The following RPL35 variants were observed in gnomAD, a reference collection of about 807,000 sequenced individuals.
The protein encoded by RPL35 is large ribosomal subunit protein uL29.
A neutral mutation model predicts 15.6 loss-of-function variants in RPL35; 2 were observed. That is an observed-to-expected ratio of 0.13 (90% CI 0.05 to 0.40). The LOEUF (loss-of-function observed/expected upper bound fraction) is 0.40. RPL35 is among the 10% of genes least tolerant of loss of function. The pLI, the probability that RPL35 is intolerant of heterozygous loss-of-function variation, is 0.99. For missense variants in RPL35, 111 were observed against 164.7 expected, an observed-to-expected ratio of 0.67 and a Z score of 1.79; for synonymous variants, 93 against 67.9, an observed-to-expected ratio of 1.37 and a Z score of -1.82.
At position 124,860,238 on chromosome 9, in the gene RPL35, C is replaced by A. The variant is rs749189946; in HGVS notation, c.167G>T (p.Arg56Leu). ...AGTCTGGTTAATAACTGTGAGAACA[C>A]GGGCAATGGATTTCCGGACGACTCG... ...KIRVVRKSIA[R>L]VLTVINQTQK... Residue 56 changes from arginine (R) to leucine (L), a missense_variant, in exon 3 of 4, where the codon CGT (arginine) becomes CTT (leucine). Transcript: ENST00000348462. 6.2e-7 allele frequency: 1 copy of A among 1,613,968 alleles called. No individual in the cohort carries two copies. The highest frequency in any genetic ancestry group is 8.5e-7 in the Non-Finnish European group (1 of 1,179,944).
rs754541112 is a variant in RPL35, at chr9:124,861,564, AAG to A, written c.4-11_4-10del. On this transcript the variant is annotated splice_polypyrimidine_tract_variant and intron_variant, in intron 1 of 3. Coordinates refer to ENST00000348462, the MANE Select transcript of RPL35 (RefSeq NM_007209.4). ...CGAGCCTTGATCTTGGCCTGCGCGCAAGAGAGAGTGTGCCTCAGCCAGGCCGC... is the reference window on the plus strand; with the variant it reads ...CGAGCCTTGATCTTGGCCTGCGCGCAAGAGAGTGTGCCTCAGCCAGGCCGC... 2.4e-4 allele frequency: 390 copies of A among 1,613,382 alleles called. No homozygotes were observed. The highest frequency in any genetic ancestry group is 2.4e-4 in the Non-Finnish European group (280 of 1,179,796).
chr9:124,861,697 C>T (rs1829200140), intron 1 of RPL35, 142 bp from the exon 2 acceptor site: 2 of 1,372,282 alleles, frequency 1.5e-6, no homozygotes, highest in African/African-American at 2.9e-5. Context: ...CAGTCTCCCT[C>T]GCCGGCCGTG....
chr9:124,861,457 G>C lies in RPL35; in HGVS notation c.102C>G (p.Ala34=). Residue 34 remains alanine (A), a synonymous_variant, in exon 2 of 4, where the codon GCC becomes GCG. Coordinates refer to ENST00000348462, the MANE Select transcript of RPL35 (RefSeq NM_007209.4). ...LKVELSQLRV[A]KVTGGAASKL... is the part of the protein sequence containing the mutation. Reference sequence around the variant, plus strand: ...TGGAGGCCGCACCGCCTGTCACTTTGGCGACGCGCAGCTGGGACAGCTCCA... The same window carrying C: ...TGGAGGCCGCACCGCCTGTCACTTTCGCGACGCGCAGCTGGGACAGCTCCA... 6.2e-7 allele frequency: 1 copy of C among 1,613,436 alleles called. No homozygotes were observed. Among genetic ancestry groups the C allele is most frequent in the Non-Finnish European group, 8.5e-7 (1 of 1,179,842 alleles).
intron 2 of RPL35, chr9:124,861,046 C>T (rs1219586107): frequency 1.5e-5 from 3 of 200,212 alleles, no homozygotes; most frequent in Non-Finnish European, 3.1e-5. Flanking sequence ...GAACTCCAAA[C>T]CCATGTTCCT....
At chr9:124,861,740 C>A (rs1829201169) in intron 1 of RPL35, 170 bp downstream of exon 1, 2 of 1,310,184 alleles carry the variant, frequency 1.5e-6, no homozygotes, top group Admixed American at 2.7e-5. Context: ...CCGGGCCGCG[C>A]GCCTCTCCCG....
chr9:124,858,521 G>C, intron 3 of RPL35: 1 of 715,964 alleles, frequency 1.4e-6, no homozygotes, highest in South Asian at 1.5e-5. Flanking sequence ...CTGTATGCAG[G>C]GCCCACCAGC....
In RPL35 at chr9:124,861,526, C is replaced by T; in HGVS notation, c.33G>A (p.Gly11=). Residue 11 remains glycine, a synonymous_variant, in exon 2 of 4, where the codon GGG becomes GGA. Transcript: ENST00000348462. ...GTTTCAGCAGCTCCTCCTTCTTCTT[C>T]CCGCGAAGATCTCGAGCCTTGATCT... MAKIKARDLR[G]KKKEELLKQL... is the part of the protein sequence containing the mutation. 1 of 1,614,054 alleles carries T rather than the reference C, an allele frequency of 6.2e-7. No individual in the cohort carries two copies.
At chr9:124,861,389 C>G in intron 2 of RPL35, 30 bp downstream of exon 2, 1 of 1,598,286 alleles carries the variant, frequency 6.3e-7, no homozygotes, top group Non-Finnish European at 8.5e-7. Context: ...TCCCCACCCA[C>G]GAGGGCTGTG....
At position 124,858,059 on chromosome 9, in the gene RPL35, C is replaced by G. The variant is rs1564307664; in HGVS notation, c.231G>C (p.Lys77Asn). 6.2e-7 allele frequency: 1 copy of G among 1,612,402 alleles called. No individual in the cohort carries two copies. Among genetic ancestry groups the G allele is most frequent in the Non-Finnish European group, 8.5e-7 (1 of 1,179,936 alleles). ...TAGGCCGCAGGTCCAGGGGCTTGTACTTCTTGCCCTGGGAGACAGACGGCA... is the reference window on the plus strand; with the variant it reads ...TAGGCCGCAGGTCCAGGGGCTTGTAGTTCTTGCCCTGGGAGACAGACGGCA... ...ENLRKFYKGK[K>N]YKPLDLRPKK... The change falls in exon 4 of 4, where the codon AAG becomes AAC. Residue 77 changes from lysine to asparagine, a missense_variant. Lys to Asn is a moderately conservative substitution (Grantham distance 94). Transcript: ENST00000348462.
intron 2 of RPL35, among the ~76,000 whole-genome samples, chr9:124,860,628 G>A (rs1271764613): frequency 2.0e-5 from 3 of 152,182 alleles, no homozygotes; most frequent in East Asian, 1.9e-4. Flanking sequence ...GCAGGAGAGA[G>A]AAACAAGACA....
chr9:124,861,403 C>T lies in RPL35; in HGVS notation c.140+16G>A, dbSNP rs745654153. ...CTCCCCACCCACGAGGGCTGTGATC[C>T]GGCCGCCTCACTTACATCTTAGAGA... is the stretch of plus-strand genomic sequence containing the variant. On this transcript the variant is annotated intron_variant, in intron 2 of 3. Coordinates refer to ENST00000348462, the MANE Select transcript of RPL35 (RefSeq NM_007209.4). The T allele has an allele frequency of 5.0e-6, 8 of 1,606,008 alleles. No individual in the cohort carries two copies. In the South Asian group the frequency reaches 6.6e-5, roughly 13 times the overall value.
At chr9:124,861,881 C>A (rs377221458) in intron 1 of RPL35, 29 bp downstream of exon 1, 24 of 1,601,354 alleles carry the variant, frequency 1.5e-5, no homozygotes, top group Non-Finnish European at 2.0e-5. Flanking sequence ...TCACAGCGCT[C>A]GGATGGCGCC....
intron 3 of RPL35, among the ~76,000 whole-genome samples, chr9:124,859,203 C>T (rs1197951567): frequency 1.3e-5 from 2 of 152,214 alleles, no homozygotes; most frequent in Admixed American, 1.3e-4. Context: ...GATGAGGCCT[C>T]ACTATGTTGC....
At chr9:124,858,374 G>A (rs914706980) in intron 3 of RPL35, 11 of 648,446 alleles carry the variant, frequency 1.7e-5, no homozygotes, top group African/African-American at 5.4e-5. Context: ...TCCACTGCCC[G>A]ATTCCCAGTC....
At chr9:124,858,174 C>A in intron 3 of RPL35, 107 bp from the exon 4 acceptor site, 2 of 1,133,336 alleles carry the variant, frequency 1.8e-6, no homozygotes, top group Non-Finnish European at 2.5e-6. Flanking sequence ...GAGGAGGCTG[C>A]CACCATGGGA....
At chr9:124,860,298 G>A in intron 2 of RPL35, 34 bp from the exon 3 acceptor site, 2 of 1,551,250 alleles carry the variant, frequency 1.3e-6, no homozygotes, top group Non-Finnish European at 1.8e-6. Flanking sequence ...AGATAGGGAA[G>A]ACACATAGCA....
At chr9:124,861,352 C>G (rs948766878) in intron 2 of RPL35, 67 bp downstream of exon 2, 1 of 1,556,438 alleles carries the variant, frequency 6.4e-7, no homozygotes, top group African/African-American at 1.4e-5. Context: ...ACTTTGAAAT[C>G]CTCCGACGAT....
intron 1 of RPL35, 172 bp from the exon 2 acceptor site, chr9:124,861,727 G>A (rs1353550995): frequency 8.4e-6 from 11 of 1,316,268 alleles, no homozygotes; most frequent in Non-Finnish European, 1.1e-5. Flanking sequence ...GAGTAACCCA[G>A]GCCCGGGCCG....
rs1829201747 is a variant in RPL35 at position 124,861,761 on chromosome 9, A to G, written c.3+149T>C. ...CGCGCGCCTCTCCCGGCGCCAAGCGAAGAGGCGGGTTGTGGTGGCGCCAGA... is the reference window on the plus strand; with the variant it reads ...CGCGCGCCTCTCCCGGCGCCAAGCGGAGAGGCGGGTTGTGGTGGCGCCAGA... On this transcript the variant is annotated intron_variant, in intron 1 of 3. Transcript: ENST00000348462. The G allele has an allele frequency of 3.0e-6, 4 of 1,335,426 alleles. No homozygotes were observed. In the East Asian group the frequency reaches 1.0e-4, roughly 35 times the overall value. 82.7% of individuals were successfully genotyped at this position (1,335,426 alleles called of 1,614,324 possible). A position where few individuals can be genotyped will look rare whatever the true frequency, so the allele number is the denominator to read the frequency against.
Sources: allele counts gnomAD v4.1 joint callset (sites outside exome capture counted in the v4.1 genomes callset), GRCh38; gene constraint gnomAD v4.1.1; transcripts MANE v1.5; gene names NCBI Gene and HGNC (gene_info 2026-07-23, HGNC 2026-07-21).